Variants in TMEM106B observed in about 807,000 individuals in gnomAD.
TMEM106B encodes transmembrane protein 106B.
TMEM106B carries 15 observed loss-of-function variants against 31.1 expected under a neutral mutation model. The ratio of observed to expected loss-of-function variants is 0.48; its 90% CI spans 0.32 to 0.74. The LOEUF is 0.74. Ranked by LOEUF, TMEM106B falls within the 30% of genes least tolerant of loss-of-function variation. TMEM106B has a pLI of 0.03. For missense variants in TMEM106B, 283 were observed against 327.3 expected (o/e 0.86, Z 1.04); for synonymous variants, 126 against 112.5 (o/e 1.12, Z -0.76).
At chr7:12,225,870 A>G (rs938947154) in intron 4 of TMEM106B, among the ~76,000 whole-genome samples, 4 of 152,012 alleles carry the variant, frequency 2.6e-5, no homozygotes, top group Non-Finnish European at 5.9e-5. Context: ...ATTAGATCAC[A>G]TTTGTCAATT....
chr7:12,223,140 T>G (rs531012787), intron 3 of TMEM106B, among the ~76,000 whole-genome samples: 1 of 152,194 alleles, frequency 6.6e-6, no homozygotes, highest in African/African-American at 2.4e-5. Flanking sequence ...GAGGAAGTTT[T>G]TACCTACAAA....
At chr7:12,218,645 A>G (rs1781733203) in intron 3 of TMEM106B, 124 bp downstream of exon 3, 3 of 733,094 alleles carry the variant, frequency 4.1e-6, no homozygotes, top group African/African-American at 3.6e-5. Context: ...TAGTTAAATT[A>G]TGTCATCATA....
intron 4 of TMEM106B, among the ~76,000 whole-genome samples, chr7:12,228,011 CT>C (rs1384559190): frequency 2.0e-5 from 3 of 151,854 alleles, no homozygotes; most frequent in Non-Finnish European, 4.4e-5. Flanking sequence ...AATCCTTGGT[CT>C]TATCAGAAGA....
intron 2 of TMEM106B, among the ~76,000 whole-genome samples, chr7:12,217,642 A>T (rs1195153253): frequency 6.6e-6 from 1 of 152,210 alleles, no homozygotes; most frequent in Non-Finnish European, 1.5e-5. Context: ...GTAAACACAC[A>T]AAGATACAGA....
intron 3 of TMEM106B, among the ~76,000 whole-genome samples, chr7:12,223,959 T>TA (rs1781842590): frequency 6.6e-6 from 1 of 152,102 alleles, no homozygotes; most frequent in South Asian, 2.1e-4. Context: ...GACCTCTTGA[T>TA]ACGCCCGCCT....
rs1562706121 is a variant in TMEM106B, at chr7:12,224,212, C to T, written c.282-14C>T. On this transcript the variant is annotated splice_polypyrimidine_tract_variant and intron_variant, in intron 3 of 7. Transcript: ENST00000396668. ...TGATGCACATGTACTTAAATACCCT[C>T]TTTTCCTTTTCAGAAAGCTGTATGT... 1 of 1,608,302 alleles carries T rather than the reference C, an allele frequency of 6.2e-7. No homozygotes were observed. Among genetic ancestry groups the T allele is most frequent in the South Asian group, 1.1e-5 (1 of 90,480 alleles).
intron 3 of TMEM106B, among the ~76,000 whole-genome samples, chr7:12,222,179 C>G (rs1269961159): frequency 6.6e-6 from 1 of 152,130 alleles, no homozygotes; most frequent in Non-Finnish European, 1.5e-5. Context: ...AAATGGAATT[C>G]TAACTTGATT....
Position 12,236,442 on chromosome 7 carries a change from A to G in TMEM106B, c.*4467A>G, listed in dbSNP as rs1344486684. 6.6e-6 allele frequency: 1 copy of G among 151,970 alleles called. No individual in the cohort carries two copies. Among genetic ancestry groups the G allele is most frequent in the Non-Finnish European group, 1.5e-5 (1 of 67,896 alleles). 9.4% of individuals were successfully genotyped at this position (151,970 alleles called of 1,614,324 possible). ...TGGATTAATTTAACAAATATGGCAG[A>G]TTTTTCATAACTAAGTCTTAAGTCT... On this transcript the variant is annotated 3_prime_UTR_variant, in exon 8 of 8. Transcript: ENST00000396668.
At position 12,231,790 on chromosome 7, in the gene TMEM106B, T is replaced by C. The variant is rs768385779; in HGVS notation, c.687-47T>C. On this transcript the variant is annotated intron_variant, in intron 7 of 7. Transcript: ENST00000396668. ...TAAAGTAGTCTCACTATGGAAAAACTTCTAATATAACTATTAAATGTCTCT... is the reference window on the plus strand; with the variant it reads ...TAAAGTAGTCTCACTATGGAAAAACCTCTAATATAACTATTAAATGTCTCT... The C allele has an allele frequency of 1.3e-5, 20 of 1,491,738 alleles. No individual in the cohort carries two copies. In the East Asian group the frequency reaches 4.6e-4, roughly 34 times the overall value. 92.4% of individuals were successfully genotyped at this position (1,491,738 alleles called of 1,614,324 possible).
In TMEM106B at chr7:12,229,732, C is replaced by T. The variant is rs975186236; in HGVS notation, c.495C>T (p.Ile165=). The part of the protein sequence containing the change: ...NNYYSVEVEN[I]TAQVQFSKTV... ...ATTACTCTGTCGAAGTTGAAAACATCACTGCCCAAGTTCAATTTTCAAAAA... is the reference window on the plus strand; with the variant it reads ...ATTACTCTGTCGAAGTTGAAAACATTACTGCCCAAGTTCAATTTTCAAAAA... The change falls in exon 5 of 8, where the codon ATC becomes ATT. Residue 165 remains isoleucine, a synonymous_variant. Transcript: ENST00000396668. 1 of 1,613,088 alleles carries T rather than the reference C, an allele frequency of 6.2e-7. No homozygotes were observed. The highest frequency in any genetic ancestry group is 8.5e-7 in the Non-Finnish European group (1 of 1,179,536).
intron 1 of TMEM106B, among the ~76,000 whole-genome samples, chr7:12,211,997 C>A (rs992131362): frequency 4.6e-5 from 7 of 152,220 alleles, no homozygotes; most frequent in African/African-American, 1.7e-4. Flanking sequence ...GTCTAGCACC[C>A]CTTTTTTAAA....
chr7:12,217,449 T>C (rs903653419), intron 2 of TMEM106B, among the ~76,000 whole-genome samples: 3 of 152,208 alleles, frequency 2.0e-5, no homozygotes, highest in Non-Finnish European at 4.4e-5. Flanking sequence ...AAATGTAGTA[T>C]GATTGTTGAC....
Position 12,236,279 on chromosome 7 carries a change from A to G in TMEM106B, c.*4304A>G, listed in dbSNP as rs1276029986. On this transcript the variant is annotated 3_prime_UTR_variant, in exon 8 of 8. Transcript: ENST00000396668. ...TTAAATTGGATAAAATCAAGTGATT[A>G]AAGTTACTAAAGAGATAAAAATGGT... The G allele has an allele frequency of 6.6e-6, 1 of 151,956 alleles. No individual in the cohort carries two copies. The highest frequency in any genetic ancestry group is 2.4e-5 in the African/African-American group (1 of 41,432). The allele number at this position is 151,956 out of a possible 1,614,324, so 9.4% of individuals were successfully genotyped here.
intron 5 of TMEM106B, 81 bp downstream of exon 5, chr7:12,229,900 G>T: frequency 7.0e-7 from 1 of 1,429,764 alleles, no homozygotes; most frequent in African/African-American, 1.4e-5. Context: ...GGAGGTGGGG[G>T]ATTTCCTCAA....
intron 3 of TMEM106B, among the ~76,000 whole-genome samples, chr7:12,222,753 T>C (rs1402381273): frequency 6.6e-6 from 1 of 152,228 alleles, no homozygotes; most frequent in East Asian, 1.9e-4. Flanking sequence ...ATGGACTTAG[T>C]AGCAGTGACT....
chr7:12,226,952 C>T (rs1583456234), intron 4 of TMEM106B, among the ~76,000 whole-genome samples: 1 of 151,890 alleles, frequency 6.6e-6, no homozygotes, highest in East Asian at 1.9e-4. Context: ...TTTTTTTGGC[C>T]TACCTCCAAA....
chr7:12,231,446 A>G (rs533326867), intron 7 of TMEM106B: 13 of 258,564 alleles, frequency 5.0e-5, no homozygotes, highest in Admixed American at 2.1e-4. Context: ...ATTGGTTTGT[A>G]AATTGGGTGT....
intron 4 of TMEM106B, among the ~76,000 whole-genome samples, chr7:12,225,034 C>G (rs1216631485): frequency 6.6e-5 from 10 of 152,096 alleles, no homozygotes; most frequent in Admixed American, 1.3e-4. Flanking sequence ...CACCTCACGA[C>G]AGGCCTCGGT....
rs1182635863 is a variant in TMEM106B at position 12,237,400 on chromosome 7, TC to T, written c.*5426del. ...TAGCATTATCTTTGATTTCTTTTTT[TC>T]ATTCACTTAACTTCCAATCAGTACT... is the stretch of plus-strand genomic sequence containing the variant. On this transcript the variant is annotated 3_prime_UTR_variant, in exon 8 of 8. Transcript: ENST00000396668. The T allele has an allele frequency of 2.6e-5, 4 of 152,170 alleles. No individual in the cohort carries two copies. Among genetic ancestry groups the T allele is most frequent in the African/African-American group, 9.7e-5 (4 of 41,438 alleles). 9.4% of individuals were successfully genotyped at this position (152,170 alleles called of 1,614,324 possible). A position where few individuals can be genotyped will look rare whatever the true frequency, so the allele number is the denominator to read the frequency against.
Sources: gnomAD v4.1 joint callset for allele counts (sites outside exome capture counted in the v4.1 genomes callset) on GRCh38, gnomAD v4.1.1 for gene constraint, MANE v1.5 for transcripts, NCBI Gene and HGNC (gene_info 2026-07-23, HGNC 2026-07-21) for gene names.